The following BPIFB3 variants were observed in gnomAD, a reference collection of about 807,000 sequenced individuals.
BPIFB3 encodes the protein BPI fold-containing family B member 3.
Under a neutral mutation model 53.1 loss-of-function variants are expected in BPIFB3, and 49 were observed. That is an observed-to-expected ratio of 0.92 (90% CI 0.73 to 1.17). BPIFB3 has a LOEUF of 1.17. Ranked by LOEUF, BPIFB3 falls within the 50% of genes most tolerant of loss-of-function variation. The probability of loss-of-function intolerance (pLI) is 0.00; values close to 1 mark genes in which losing one functional copy is unlikely to be tolerated. For missense variants in BPIFB3, 628 were observed against 592.5 expected (o/e 1.06, Z -0.62); for synonymous variants, 271 against 269.6 (o/e 1.01, Z -0.05).
At chr20:33,067,100 G>A (rs1011570540) in intron 9 of BPIFB3, among the ~76,000 whole-genome samples, 1 of 152,234 alleles carries the variant, frequency 6.6e-6, no homozygotes, top group Non-Finnish European at 1.5e-5. Flanking sequence ...AATCAACTGG[G>A]CATTTATCCT....
rs377570067 is a variant in BPIFB3, at chr20:33,072,197, T to C, written c.1324+30T>C. 5.6e-6 allele frequency: 9 copies of C among 1,609,292 alleles called. No individual in the cohort carries two copies. The African/African-American group carries it at 8.0e-5, about 14-fold the overall frequency. ...GGCAGGTTTTGCTCTCTTGGACACA[T>C]GGAGTGTCTGAATTTGGTATTGTCT... On this transcript the variant is annotated intron_variant, in intron 13 of 14. Transcript: ENST00000375494.
exon 2 of BPIFB3, chr20:33,056,622 G>C: frequency 6.2e-7 from 1 of 1,613,694 alleles, no homozygotes; most frequent in Non-Finnish European, 8.5e-7. Context: ...GGGCCTCTTG[G>C]GCTCAGGAGG....
intron 4 of BPIFB3, 138 bp downstream of exon 5, chr20:33,060,169 T>G: frequency 8.5e-7 from 1 of 1,177,722 alleles, no homozygotes; most frequent in Non-Finnish European, 1.2e-6. Flanking sequence ...CCCGCCGGTT[T>G]CAACCCACTT....
chr20:33,057,597 T>G (rs929928731), intron 2 of BPIFB3, among the ~76,000 whole-genome samples: 1 of 124,938 alleles, frequency 8.0e-6, no homozygotes, highest in Non-Finnish European at 1.7e-5. Flanking sequence ...GTCCCTCAAA[T>G]AGGATTCCAG....
chr20:33,055,468 G>A lies in BPIFB3; in HGVS notation c.45G>A (p.Trp15Ter). Residue 15 changes from tryptophan (W) to a stop codon, truncating the protein, a stop_gained, in exon 1 of 15, where the codon TGG becomes TGA. Transcript: ENST00000375494. LOFTEE classifies it high-confidence loss of function. ...CCCTGTGGTCCCTGCTTCTGCTCTG[G>A]GGCCTGGCGACTCCATGCCAGGAGC... 1 of 1,613,744 alleles carries A rather than the reference G, an allele frequency of 6.2e-7. No homozygotes were observed. The highest frequency in any genetic ancestry group is 1.1e-5 in the South Asian group (1 of 91,076).
chr20:33,071,965 G>T (rs1320302687), intron 12 of BPIFB3, 139 bp from the exon 14 acceptor site: 6 of 806,012 alleles, frequency 7.4e-6, no homozygotes, highest in Admixed American at 2.0e-5. Flanking sequence ...CCCAGTGCCT[G>T]CCAGGAGCTG....
chr20:33,061,823 C>T (rs769882014), exon 5 of BPIFB3: 4 of 1,614,084 alleles, frequency 2.5e-6, no homozygotes, highest in Non-Finnish European at 3.4e-6. Flanking sequence ...CAAGGTGCTT[C>T]CGGGACTGGT....
In BPIFB3 at chr20:33,060,051, C is replaced by T. The variant is rs535386051; in HGVS notation, c.527+20C>T. The T allele has an allele frequency of 4.3e-6, 7 of 1,612,036 alleles. No homozygotes were observed. In the South Asian group the frequency reaches 4.4e-5, roughly 10 times the overall value. The stretch of plus-strand genomic sequence containing the variant: ...CTCAGGGTGAGTCTGCAGGTTCCAG[C>T]CTGCAACCCTGACCCGCTCAGGATC... On this transcript the variant is annotated intron_variant, in intron 4 of 14. Transcript: ENST00000375494.
chr20:33,069,954 C>G (rs747168207), exon 11 of BPIFB3: 1 of 1,614,050 alleles, frequency 6.2e-7, no homozygotes, highest in African/African-American at 1.3e-5. Context: ...GTCCCTGGAA[C>G]GGTAACTTGG....
chr20:33,070,408 A>T (rs561754419), intron 11 of BPIFB3, among the ~76,000 whole-genome samples: 1 of 151,646 alleles, frequency 6.6e-6, no homozygotes, highest in African/African-American at 2.4e-5. Context: ...GACCAGAATG[A>T]TGGTGTTGGT....
At chr20:33,059,629 T>A in intron 3 of BPIFB3, 147 bp downstream of exon 4, 1 of 711,436 alleles carries the variant, frequency 1.4e-6, no homozygotes, top group Non-Finnish European at 2.4e-6. Flanking sequence ...GGACTCCCAA[T>A]CCTACTGTTT....
At position 33,072,185 on chromosome 20, in the gene BPIFB3, C is replaced by T. The variant is rs369605501; in HGVS notation, c.1324+18C>T. On this transcript the variant is annotated intron_variant, in intron 13 of 14. Coordinates refer to ENST00000375494, the Ensembl canonical transcript of BPIFB3. Reference sequence around the variant, plus strand: ...GCTTAACGGTATGGCAGGTTTTGCTCTCTTGGACACATGGAGTGTCTGAAT... The same window carrying T: ...GCTTAACGGTATGGCAGGTTTTGCTTTCTTGGACACATGGAGTGTCTGAAT... 929 of 1,613,334 alleles carry T rather than the reference C, an allele frequency of 5.8e-4. No homozygotes were observed. The highest frequency in any genetic ancestry group is 7.5e-4 in the Non-Finnish European group (886 of 1,179,376).
At chr20:33,061,074 C>A (rs985245707) in intron 4 of BPIFB3, among the ~76,000 whole-genome samples, 3 of 152,226 alleles carry the variant, frequency 2.0e-5, no homozygotes, top group Admixed American at 6.5e-5. Context: ...CCGGCCCCTG[C>A]TCCATCTTTG....
At chr20:33,065,733 A>G (rs1171052967) in intron 8 of BPIFB3, among the ~76,000 whole-genome samples, 2 of 152,142 alleles carry the variant, frequency 1.3e-5, no homozygotes, top group African/African-American at 4.8e-5. Flanking sequence ...CATCCTGGAA[A>G]GCCCAGACCC....
At chr20:33,065,841 C>T (rs1369827899) in intron 8 of BPIFB3, among the ~76,000 whole-genome samples, 1 of 152,138 alleles carries the variant, frequency 6.6e-6, no homozygotes, top group African/African-American at 2.4e-5. Flanking sequence ...TCACTTCTTG[C>T]AAGTGGGGTC....
At chr20:33,063,317 A>G (rs991785355) in intron 5 of BPIFB3, among the ~76,000 whole-genome samples, 1 of 152,132 alleles carries the variant, frequency 6.6e-6, no homozygotes, top group Non-Finnish European at 1.5e-5. Context: ...CCTTGTCCGC[A>G]TGCCCAAACC....
At chr20:33,062,997 G>T (rs1174703578) in intron 5 of BPIFB3, among the ~76,000 whole-genome samples, 1 of 152,226 alleles carries the variant, frequency 6.6e-6, no homozygotes, top group Non-Finnish European at 1.5e-5. Flanking sequence ...AGGATGAAGG[G>T]GCTGGACTGC....
At chr20:33,055,288 G>A, upstream of BPIFB3, 1 of 1,339,824 alleles carries the variant, frequency 7.5e-7, no homozygotes. Context: ...GGGAGGAGAA[G>A]GCTTTCCTGG....
rs567980974 is a variant in BPIFB3, at chr20:33,071,298, A to G, written c.1260+3A>G. 4.5e-6 allele frequency: 7 copies of G among 1,561,256 alleles called. No individual in the cohort carries two copies. The Admixed American group carries it at 7.7e-5, about 17-fold the overall frequency. On this transcript the variant is annotated splice_donor_region_variant and intron_variant, in intron 12 of 14. Coordinates refer to ENST00000375494, the Ensembl canonical transcript of BPIFB3. ...CCTCCTTTACCCATGCCTTTGACGT[A>G]AGTTCCTGGGAGGGTGAGGGGCTTG... is the stretch of plus-strand genomic sequence containing the variant.
Sources: gnomAD v4.1 joint callset for allele counts (sites outside exome capture counted in the v4.1 genomes callset) on GRCh38, gnomAD v4.1.1 for gene constraint, MANE v1.5 for transcripts, NCBI Gene and HGNC (gene_info 2026-07-23, HGNC 2026-07-21) for gene names.